FGF12: variants seen among roughly 807,000 people sequenced by gnomAD.
The protein encoded by FGF12 is fibroblast growth factor 12.
A neutral mutation model predicts 23.6 loss-of-function variants in FGF12; 14 were observed. The ratio of observed to expected loss-of-function variants is 0.59; its 90% CI spans 0.39 to 0.93. The LOEUF is 0.93. Ranked by LOEUF, FGF12 falls within the 40% of genes least tolerant of loss-of-function variation. The pLI is 0.00. For synonymous variants in FGF12, 62 were observed against 77.3 expected (o/e 0.80, Z 1.04); for missense variants, 175 against 217.8 (o/e 0.80, Z 1.24).
chr3:192,506,128 G>C (rs1724287006), intron 2 of FGF12, among the ~76,000 whole-genome samples: 1 of 152,236 alleles, frequency 6.6e-6, no homozygotes, highest in Non-Finnish European at 1.5e-5. Context: ...AAGCCAGCCA[G>C]AGCCAGTGCA....
At chr3:192,681,347 G>A (rs769244181) in intron 2 of FGF12, among the ~76,000 whole-genome samples, 15 of 152,222 alleles carry the variant, frequency 9.9e-5, no homozygotes, top group Non-Finnish European at 1.8e-4. Context: ...TATGTAGATT[G>A]TGGTGTCATT....
intron 4 of FGF12, among the ~76,000 whole-genome samples, chr3:192,181,635 T>TG (rs1211038412): frequency 1.3e-4 from 19 of 150,802 alleles, no homozygotes; most frequent in African/African-American, 4.6e-4. Flanking sequence ...ATTTGTTTTT[T>TG]TTTTTTTTTT....
At chr3:192,660,557 G>C (rs1435674639) in intron 2 of FGF12, among the ~76,000 whole-genome samples, 2 of 151,732 alleles carry the variant, frequency 1.3e-5, no homozygotes, top group Non-Finnish European at 2.9e-5. Flanking sequence ...ATGTAAAGTT[G>C]TTGAGTGGGC....
At chr3:192,300,550 C>T (rs578032032) in intron 4 of FGF12, among the ~76,000 whole-genome samples, 4 of 151,728 alleles carry the variant, frequency 2.6e-5, no homozygotes, top group Admixed American at 6.6e-5. Flanking sequence ...TTCTTGGGGG[C>T]GGTCATGAGA....
intron 2 of FGF12, among the ~76,000 whole-genome samples, chr3:192,584,366 A>G (rs146858898): frequency 1.3e-5 from 2 of 152,032 alleles, no homozygotes; most frequent in Non-Finnish European, 2.9e-5. Flanking sequence ...TCATGATAAC[A>G]TAATTATAAG....
In FGF12 at chr3:192,583,879, G is replaced by GA. The variant is rs1222206196; in HGVS notation, c.13+143301dup. ...TTTTTCTCTGTTAATTTAAATCCTG[G>GA]AAAAAAATTCAGTCTGACTAGCTTT... On this transcript the variant is annotated intron_variant, in intron 2 of 5. Transcript: ENST00000445105. Among the ~76,000 whole-genome samples the GA allele has an allele frequency of 3.3e-5, 5 of 152,130 alleles. No homozygotes were observed. The South Asian group carries it at 8.3e-4, about 25-fold the overall frequency.
At chr3:192,588,207 G>A (rs901841137) in intron 2 of FGF12, among the ~76,000 whole-genome samples, 6 of 151,036 alleles carry the variant, frequency 4.0e-5, no homozygotes, top group Non-Finnish European at 8.9e-5. Flanking sequence ...AAAATTAGCC[G>A]GGTGTGGTGG....
At chr3:192,460,886 C>G (rs1292594057) in intron 2 of FGF12, among the ~76,000 whole-genome samples, 1 of 152,038 alleles carries the variant, frequency 6.6e-6, no homozygotes, top group African/African-American at 2.4e-5. Flanking sequence ...AAAAGTTAAG[C>G]ATTTTTAATT....
chr3:192,663,615 T>C (rs952330620), intron 2 of FGF12, among the ~76,000 whole-genome samples: 1 of 152,216 alleles, frequency 6.6e-6, no homozygotes, highest in African/African-American at 2.4e-5. Context: ...GGGGCTCTCA[T>C]GTCAGAGAAG....
intron 2 of FGF12, among the ~76,000 whole-genome samples, chr3:192,607,048 C>A (rs1714365613): frequency 6.6e-6 from 1 of 151,994 alleles, no homozygotes; most frequent in Admixed American, 6.6e-5. Context: ...GGTACACTAT[C>A]CATTCAGTCA....
chr3:192,580,980 T>A (rs919204700), intron 2 of FGF12, among the ~76,000 whole-genome samples: 1 of 152,194 alleles, frequency 6.6e-6, no homozygotes, highest in Non-Finnish European at 1.5e-5. Context: ...ATATGAAAAG[T>A]CTTAAAATGT....
At chr3:192,238,921 C>A (rs1719450999) in intron 4 of FGF12, among the ~76,000 whole-genome samples, 4 of 152,178 alleles carry the variant, frequency 2.6e-5, no homozygotes, top group Admixed American at 2.6e-4. Flanking sequence ...TAATCTAATT[C>A]TCCCAAATGT....
chr3:192,716,683 A>C (rs1718877627), intron 2 of FGF12, among the ~76,000 whole-genome samples: 1 of 152,226 alleles, frequency 6.6e-6, no homozygotes, highest in South Asian at 2.1e-4. Flanking sequence ...GAATAACAAC[A>C]GTAGCAGCTG....
intron 2 of FGF12, among the ~76,000 whole-genome samples, chr3:192,418,803 A>T (rs1721433397): frequency 6.6e-6 from 1 of 152,168 alleles, no homozygotes; most frequent in South Asian, 2.1e-4. Context: ...AAGTTTCCAG[A>T]GGTCTCCCAA....
chr3:192,533,654 C>T (rs12107430), intron 2 of FGF12, among the ~76,000 whole-genome samples: 108,631 of 152,062 alleles, frequency 0.71, 39,362 homozygotes, highest in East Asian at 0.96. Context: ...TTTTGAGCCT[C>T]TGTTCATTTT....
chr3:192,282,929 GAGATATACACATAAAC>G (rs1377381352), intron 4 of FGF12: 1 of 152,078 alleles, frequency 6.6e-6, no homozygotes, highest in African/African-American at 2.4e-5. Flanking sequence ...GTGGACGTGA[GAGATATACACATAAAC>G]AGATAAAATG....
chr3:192,147,564 T>C (rs1200172239), intron 5 of FGF12, among the ~76,000 whole-genome samples: 1 of 152,192 alleles, frequency 6.6e-6, no homozygotes, highest in Non-Finnish European at 1.5e-5. Context: ...AGCCTCAATA[T>C]CATTTCAGAG....
chr3:192,170,389 G>T, intron 5 of FGF12, 69 bp downstream of exon 5: 1 of 1,344,586 alleles, frequency 7.4e-7, no homozygotes, highest in South Asian at 1.3e-5. Flanking sequence ...TGGACCAAAA[G>T]GGCAAGAAGC....
chr3:192,240,525 T>C (rs1045206467), intron 4 of FGF12, among the ~76,000 whole-genome samples: 2 of 152,212 alleles, frequency 1.3e-5, no homozygotes, highest in African/African-American at 4.8e-5. Context: ...ATTTTGCTAG[T>C]TGCAAGAAAT....
Sources: allele counts gnomAD v4.1 joint callset (sites outside exome capture counted in the v4.1 genomes callset), GRCh38; gene constraint gnomAD v4.1.1; transcripts MANE v1.5; gene names NCBI Gene and HGNC (gene_info 2026-07-23, HGNC 2026-07-21).